Variants in KCNH2 observed in about 807,000 individuals in gnomAD.
KCNH2 encodes voltage-gated inwardly rectifying potassium channel KCNH2.
A neutral mutation model predicts 95.9 loss-of-function variants in KCNH2; 35 were observed. The observed-to-expected ratio is 0.37, with a 90% CI of 0.28 to 0.48. The LOEUF (loss-of-function observed/expected upper bound fraction) is 0.48. Among genes scored for constraint, KCNH2 ranks in the 20% least tolerant of loss-of-function variants. The pLI is 0.99. For synonymous variants in KCNH2, 786 were observed against 754.7 expected (o/e 1.04, Z -0.68); for missense variants, 1,274 against 1,702.9 (o/e 0.75, Z 4.43).
At chr7:150,951,309 C>T (rs1461734654) in intron 7 of KCNH2, 139 bp downstream of exon 7, 12 of 1,224,854 alleles carry the variant, frequency 9.8e-6, no homozygotes, top group Non-Finnish European at 1.4e-5. Context: ...ACCCAGCCCC[C>T]AAACCATGTC....
intron 2 of KCNH2, among the ~76,000 whole-genome samples, chr7:150,967,520 G>C (rs1336426831): frequency 1.3e-5 from 2 of 152,178 alleles, no homozygotes; most frequent in Non-Finnish European, 2.9e-5. Context: ...ACCTGATAAA[G>C]GCTGCCCCAC....
rs1800944753 is a variant in KCNH2 at position 150,947,435 on chromosome 7, G to A, written c.3045C>T (p.Cys1015=). Residue 1015 remains cysteine (C), a synonymous_variant, in exon 13 of 15, where the codon TGC becomes TGT. Transcript: ENST00000262186. ...RGRQYQELPR[C]PAPTPSLLNI... ...TGAGGAGGCTGGGGGTGGGGGCGGGGCATCGAGGGAGCTCCTGGTACTGGC... is the reference window on the plus strand; with the variant it reads ...TGAGGAGGCTGGGGGTGGGGGCGGGACATCGAGGGAGCTCCTGGTACTGGC... The A allele has an allele frequency of 6.4e-7, 1 of 1,558,806 alleles. No homozygotes were observed. Among genetic ancestry groups the A allele is most frequent in the South Asian group, 1.2e-5 (1 of 84,756 alleles).
rs550410174 is a variant in KCNH2 at position 150,961,080 on chromosome 7, T to G, written c.308-1344A>C. On this transcript the variant is annotated intron_variant, in intron 2 of 14. Transcript: ENST00000262186. The surrounding 1 kb of genome is among the most constrained non-coding windows in gnomAD (Gnocchi z 6.2). The stretch of plus-strand genomic sequence containing the variant: ...CACTCTCCCTAGGGAGCCTCTTCCT[T>G]CCTCTCAGCTCCCCCTCTGCTCAGC... 1.3e-5 allele frequency among the ~76,000 whole-genome samples: 2 copies of G among 152,224 alleles called. No individual in the cohort carries two copies. Among genetic ancestry groups the G allele is most frequent in the Admixed American group, 1.3e-4 (2 of 15,302 alleles).
chr7:150,955,914 G>A (rs984948830), intron 5 of KCNH2: 69 of 781,382 alleles, frequency 8.8e-5, no homozygotes, highest in Middle Eastern at 6.4e-4. Context: ...CCCCTCCCCC[G>A]CAGCCCGCCC....
In KCNH2 at chr7:150,962,291, G is replaced by A. The variant is rs2117022028; in HGVS notation, c.308-2555C>T. On this transcript the variant is annotated intron_variant, in intron 2 of 14. Coordinates refer to ENST00000262186, the MANE Select transcript of KCNH2 (RefSeq NM_000238.4). The surrounding 1 kb of genome is among the most constrained non-coding windows in gnomAD (Gnocchi z 5.7). The stretch of plus-strand genomic sequence containing the variant: ...CCAAGAGACCCCAGCACCCACCCCA[G>A]GGACCACAGCCAGCCAGGCCCTCGA... Among the ~76,000 whole-genome samples, 1 of 152,312 alleles carries A rather than the reference G, an allele frequency of 6.6e-6. No homozygotes were observed. Among genetic ancestry groups the A allele is most frequent in the Non-Finnish European group, 1.5e-5 (1 of 68,016 alleles).
At chr7:150,948,710 G>T in intron 10 of KCNH2, 146 bp downstream of exon 10, 1 of 1,082,218 alleles carries the variant, frequency 9.2e-7, no homozygotes, top group Non-Finnish European at 1.4e-6. Flanking sequence ...GACTGAGTTT[G>T]GGACTTTTGT....
rs375936922 is a variant in KCNH2 at position 150,945,901 on chromosome 7, G to A, written c.3331-387C>T. Among the ~76,000 whole-genome samples the A allele has an allele frequency of 2.1e-4, 32 of 152,164 alleles. No homozygotes were observed. The highest frequency in any genetic ancestry group is 7.0e-4 in the African/African-American group (29 of 41,434). On this transcript the variant is annotated intron_variant, in intron 14 of 14. Coordinates refer to ENST00000262186, the MANE Select transcript of KCNH2 (RefSeq NM_000238.4). The surrounding 1 kb of genome is among the most constrained non-coding windows in gnomAD (Gnocchi z 5.6). ...AGAAAAAGAGACAAGATTCCTTCCCGCAATCCAGAAAGAACTCGGGGACCT... is the reference window on the plus strand; with the variant it reads ...AGAAAAAGAGACAAGATTCCTTCCCACAATCCAGAAAGAACTCGGGGACCT...
At chr7:150,977,100 C>G (rs977467301) in intron 1 of KCNH2, among the ~76,000 whole-genome samples, 7 of 152,106 alleles carry the variant, frequency 4.6e-5, no homozygotes, top group African/African-American at 1.7e-4. Context: ...CCCTACCAGG[C>G]AGGCATTAGG....
Position 150,948,446 on chromosome 7 carries a change from T to G in KCNH2, c.2690A>C (p.Lys897Thr), listed in dbSNP as rs1805123. 0.31 allele frequency: 342,931 copies of G among 1,097,454 alleles called. 40,089 individuals are homozygous for G. The highest frequency in any genetic ancestry group is 0.35 in the Non-Finnish European group (282,456 of 799,690). The allele number at this position is 1,097,454 out of a possible 1,614,324, so 68.0% of individuals were successfully genotyped here. ...RKLSFRRRTD[K>T]DTEQPGEVSA... Reference sequence around the variant, plus strand: ...CTTCCTCCCCTCCCCCGCCTCACCCTTGTCCGTGCGCCTGCGGAAGGACAA... The same window carrying G: ...CTTCCTCCCCTCCCCCGCCTCACCCGTGTCCGTGCGCCTGCGGAAGGACAA... The change falls in exon 11 of 15, where the codon AAG (lysine) becomes ACG (threonine). Residue 897 changes from lysine to threonine, a missense_variant and splice_region_variant. This residue lies in a region of KCNH2 where 457 missense variants were observed against 416.1 expected (regional missense o/e 1.10). Transcript: ENST00000262186.
In KCNH2 at chr7:150,945,234, G is replaced by A. The variant is rs1369427249; in HGVS notation, c.*131C>T. On this transcript the variant is annotated 3_prime_UTR_variant, in exon 15 of 15. Coordinates refer to ENST00000262186, the MANE Select transcript of KCNH2 (RefSeq NM_000238.4). The surrounding 1 kb of genome is among the most constrained non-coding windows in gnomAD (Gnocchi z 5.6). ...CAGGAGAAGATGGTCCCAAGGGCTG[G>A]GGGAGGAGCTGTGCTTTCGAGTTCC... 5 of 1,036,850 alleles carry A rather than the reference G, an allele frequency of 4.8e-6. No homozygotes were observed. The highest frequency in any genetic ancestry group is 5.5e-6 in the Non-Finnish European group (4 of 727,398). 64.2% of individuals were successfully genotyped at this position (1,036,850 alleles called of 1,614,324 possible).
intron 2 of KCNH2, among the ~76,000 whole-genome samples, chr7:150,971,835 G>C (rs1043155670): frequency 7.2e-5 from 11 of 152,114 alleles, no homozygotes; most frequent in Admixed American, 5.2e-4. Context: ...AAAGAGCAGA[G>C]AGGATGCAGG....
chr7:150,974,829 G>A lies in KCNH2; in HGVS notation c.189C>T (p.Pro63=), dbSNP rs760274672. The change falls in exon 2 of 15, where the codon CCC becomes CCT. Residue 63 remains proline, a synonymous_variant. Transcript: ENST00000262186. ...GYSRAEVMQR[P]CTCDFLHGPR... is the part of the protein sequence containing the mutation. ...GCCCGTGCAGGAAGTCGCAGGTGCA[G>A]GGTCGCTGCATCACCTCGGCCCGCG... 6.2e-7 allele frequency: 1 copy of A among 1,608,330 alleles called. No homozygotes were observed. The highest frequency in any genetic ancestry group is 1.3e-5 in the African/African-American group (1 of 74,890).
Position 150,974,529 on chromosome 7 carries a change from G to T in KCNH2, c.307+182C>A, listed in dbSNP as rs186151214. Among the ~76,000 whole-genome samples the T allele has an allele frequency of 4.6e-3, 693 of 152,182 alleles. 9 individuals carry two copies. The highest frequency in any genetic ancestry group is 0.016 in the African/African-American group (654 of 41,522). Reference sequence around the variant, plus strand: ...AGTGAGGCGCAGGCCCCGGAACCGCGCCTCCCACAGGCACACCGCAGGGCC... The same window carrying T: ...AGTGAGGCGCAGGCCCCGGAACCGCTCCTCCCACAGGCACACCGCAGGGCC... On this transcript the variant is annotated intron_variant, in intron 2 of 14. Coordinates refer to ENST00000262186, the MANE Select transcript of KCNH2 (RefSeq NM_000238.4).
At chr7:150,963,921 T>C (rs1206546745) in intron 2 of KCNH2, among the ~76,000 whole-genome samples, 7 of 152,104 alleles carry the variant, frequency 4.6e-5, no homozygotes, top group Non-Finnish European at 1.0e-4. Flanking sequence ...AAGGTGTCCA[T>C]CACTTCTCAG....
chr7:150,951,246 T>C, intron 7 of KCNH2, 126 bp from the exon 8 acceptor site: 2 of 1,012,528 alleles, frequency 2.0e-6, no homozygotes, highest in Non-Finnish European at 2.9e-6. Flanking sequence ...CGAGACGCCC[T>C]TGTACATCTG....
chr7:150,957,881 G>A (rs1285754432), intron 4 of KCNH2, among the ~76,000 whole-genome samples, 178 bp downstream of exon 4: 6 of 152,226 alleles, frequency 3.9e-5, no homozygotes, highest in Non-Finnish European at 8.8e-5. Flanking sequence ...TGGGATGAAT[G>A]GACATTTAAT....
At position 150,951,321 on chromosome 7, in the gene KCNH2, C is replaced by T. The variant is rs1394133985; in HGVS notation, c.1945+127G>A. 31 of 1,266,756 alleles carry T rather than the reference C, an allele frequency of 2.4e-5. No homozygotes were observed. In the East Asian group the frequency reaches 4.7e-4, roughly 19 times the overall value. 78.5% of individuals were successfully genotyped at this position (1,266,756 alleles called of 1,614,324 possible). ...GTGACCCAGCCCCCAAACCATGTCA[C>T]GATGGTGGCCCCTGGAGTCTCTAAG... On this transcript the variant is annotated intron_variant, in intron 7 of 14. Coordinates refer to ENST00000262186, the MANE Select transcript of KCNH2 (RefSeq NM_000238.4).
intron 5 of KCNH2, chr7:150,955,617 C>A (rs1442318495): frequency 3.2e-5 from 46 of 1,434,414 alleles, no homozygotes; most frequent in Non-Finnish European, 4.2e-5. Flanking sequence ...GGCTGGCCGA[C>A]TGGCAACCAG....
At position 150,945,474 on chromosome 7, in the gene KCNH2, G is replaced by A; in HGVS notation, c.3371C>T (p.Ala1124Val). 6.4e-7 allele frequency: 1 copy of A among 1,558,292 alleles called. No individual in the cohort carries two copies. Among genetic ancestry groups the A allele is most frequent in the Non-Finnish European group, 8.7e-7 (1 of 1,151,570 alleles). The change falls in exon 15 of 15, where the codon GCC (alanine) becomes GTC (valine). Residue 1124 changes from alanine to valine, a missense_variant. Coordinates refer to ENST00000262186, the MANE Select transcript of KCNH2 (RefSeq NM_000238.4). The surrounding 1 kb of genome is among the most constrained non-coding windows in gnomAD (Gnocchi z 5.6). ...FMACEELPPG[A>V]PELPQEGPTR... ...GGGGCCTTCTTGGGGAAGCTCTGGG[G>A]CCCCCGGGGGCAGCTCCTCACACGC...
Sources: gnomAD v4.1 joint callset for allele counts (sites outside exome capture counted in the v4.1 genomes callset) on GRCh38, gnomAD v4.1.1 for gene constraint, gnomAD v4.1.1 regional missense constraint, Gnocchi (gnomAD v3.1) non-coding constraint, MANE v1.5 for transcripts, NCBI Gene and HGNC (gene_info 2026-07-23, HGNC 2026-07-21) for gene names.